CEP63: variants seen among roughly 807,000 people sequenced by gnomAD.
The protein encoded by CEP63 is centrosomal protein of 63 kDa.
A neutral mutation model predicts 89.1 loss-of-function variants in CEP63; 84 were observed. That is an observed-to-expected ratio of 0.94 (90% CI 0.79 to 1.13). CEP63 has a LOEUF of 1.13. Ranked by LOEUF, CEP63 falls within the 50% of genes most tolerant of loss-of-function variation. The pLI, the probability that CEP63 is intolerant of heterozygous loss-of-function variation, is 0.00. For missense variants in CEP63, 838 were observed against 813.3 expected, an observed-to-expected ratio of 1.03 and a Z score of -0.37; for synonymous variants, 267 against 272.5, an observed-to-expected ratio of 0.98 and a Z score of 0.20.
chr3:134,599,796 C>T, the CEP63 span, among the ~76,000 whole-genome samples: 6 of 152,306 alleles, frequency 3.9e-5, no homozygotes, highest in South Asian at 2.1e-4. Context: ...ATCTCACCGT[C>T]GCATTCAACT....
intron 6 of CEP63, among the ~76,000 whole-genome samples, chr3:134,538,818 G>A (rs1951407227): frequency 6.6e-6 from 1 of 151,694 alleles, no homozygotes; most frequent in Non-Finnish European, 1.5e-5. Flanking sequence ...GAGTATTATT[G>A]ATTATAGATT....
chr3:134,570,251 C>T (rs1186745702), intron 11 of CEP63, among the ~76,000 whole-genome samples: 1 of 135,168 alleles, frequency 7.4e-6, no homozygotes, highest in African/African-American at 2.8e-5. Flanking sequence ...TGAATTTCTC[C>T]TCAGAAAGTG....
At chr3:134,615,939 C>G in the CEP63 span, among the ~76,000 whole-genome samples, 1 of 152,210 alleles carries the variant, frequency 6.6e-6, no homozygotes, top group Non-Finnish European at 1.5e-5. Context: ...TGGTGACAAC[C>G]AACTCCCTCA....
At chr3:134,610,077 G>A in the CEP63 span, 1 of 1,092,160 alleles carries the variant, frequency 9.2e-7, no homozygotes, top group South Asian at 1.5e-5. Context: ...GTGGGCATGG[G>A]GCCTCCTGGC....
intron 3 of CEP63, among the ~76,000 whole-genome samples, chr3:134,508,804 A>G (rs1944134020): frequency 6.6e-6 from 1 of 152,206 alleles, no homozygotes; most frequent in Admixed American, 6.5e-5. Flanking sequence ...GGGACATACA[A>G]GAAATTTAGA....
At chr3:134,502,331 G>C (rs1236742583) in intron 2 of CEP63, among the ~76,000 whole-genome samples, 1 of 151,940 alleles carries the variant, frequency 6.6e-6, no homozygotes, top group Non-Finnish European at 1.5e-5. Context: ...GGGTGATGTT[G>C]GTTTCATAGA....
At chr3:134,716,616 T>C in the CEP63 span, among the ~76,000 whole-genome samples, 1 of 152,060 alleles carries the variant, frequency 6.6e-6, no homozygotes, top group Non-Finnish European at 1.5e-5. Context: ...AACCTCCCCT[T>C]CTTATTAGCC....
intron 12 of CEP63, among the ~76,000 whole-genome samples, chr3:134,553,871 A>G (rs1008881346): frequency 3.9e-5 from 6 of 152,190 alleles, no homozygotes; most frequent in Non-Finnish European, 8.8e-5. Flanking sequence ...TCTAGGAGCA[A>G]GTGTGCATAA....
intron 1 of CEP63, among the ~76,000 whole-genome samples, chr3:134,488,244 CTGA>C (rs949289053): frequency 7.2e-5 from 11 of 152,198 alleles, no homozygotes; most frequent in Admixed American, 6.5e-4. Context: ...TGACTAATGC[CTGA>C]TGATCTGAGG....
the CEP63 span, among the ~76,000 whole-genome samples, chr3:134,765,410 A>C: frequency 2.0e-5 from 3 of 152,182 alleles, no homozygotes; most frequent in African/African-American, 7.2e-5. Context: ...ACCAAGAGGC[A>C]CCCCAGGGGA....
In CEP63 at chr3:134,526,695, G is replaced by C. The variant is rs1948718577; in HGVS notation, c.223-5150G>C. Among the ~76,000 whole-genome samples, 2 of 152,114 alleles carry C rather than the reference G, an allele frequency of 1.3e-5. 1 individual carries two copies. The highest frequency in any genetic ancestry group is 4.1e-4 in the South Asian group (2 of 4,830). The stretch of plus-strand genomic sequence containing the variant: ...GATACTCTGGCTTTTTGAGTTCTTG[G>C]AGTTCTTGCACTATTTCTTTCTCAT... On this transcript the variant is annotated intron_variant, in intron 3 of 14. Coordinates refer to ENST00000675561, the MANE Select transcript of CEP63 (RefSeq NM_001353108.3).
At chr3:134,589,310 T>C (rs933814236), downstream of CEP63, among the ~76,000 whole-genome samples, 5 of 152,226 alleles carry the variant, frequency 3.3e-5, no homozygotes, top group East Asian at 9.6e-4. Flanking sequence ...ATTATGACCA[T>C]ATCAAATGAT....
chr3:134,662,747 T>C, the CEP63 span, among the ~76,000 whole-genome samples: 1 of 152,168 alleles, frequency 6.6e-6, no homozygotes, highest in South Asian at 2.1e-4. Flanking sequence ...ACAGATAGCG[T>C]CTGGGCTGTG....
chr3:134,721,341 T>C, the CEP63 span, among the ~76,000 whole-genome samples: 1 of 152,166 alleles, frequency 6.6e-6, no homozygotes, highest in South Asian at 2.1e-4. Flanking sequence ...GCCACATTGC[T>C]GAACTCGTTT....
chr3:134,582,356 T>C (rs1958379835), intron 10 of CEP63, among the ~76,000 whole-genome samples: 2 of 151,090 alleles, frequency 1.3e-5, no homozygotes, highest in African/African-American at 4.9e-5. Context: ...CAGGCCCCAG[T>C]GTGTGATGTT....
the CEP63 span, among the ~76,000 whole-genome samples, chr3:134,773,850 C>T: frequency 6.6e-6 from 1 of 152,170 alleles, no homozygotes; most frequent in African/African-American, 2.4e-5. Flanking sequence ...CATAGCCTTA[C>T]TGGAATCATC....
chr3:134,731,560 G>A, the CEP63 span, among the ~76,000 whole-genome samples: 5 of 152,108 alleles, frequency 3.3e-5, no homozygotes, highest in Non-Finnish European at 5.9e-5. Context: ...TTAGAGTAAG[G>A]GAGTACTTCC....
the CEP63 span, among the ~76,000 whole-genome samples, chr3:134,757,310 T>C: frequency 6.6e-6 from 1 of 152,144 alleles, no homozygotes; most frequent in South Asian, 2.1e-4. Context: ...GGATAGTGGG[T>C]AGGCAACCAG....
the CEP63 span, among the ~76,000 whole-genome samples, chr3:134,758,187 T>C: frequency 6.6e-6 from 1 of 152,200 alleles, no homozygotes; most frequent in Non-Finnish European, 1.5e-5. Flanking sequence ...TCCAGGACTG[T>C]AACAACTCTG....
Sources: gnomAD v4.1 joint callset for allele counts (sites outside exome capture counted in the v4.1 genomes callset) on GRCh38, gnomAD v4.1.1 for gene constraint, MANE v1.5 for transcripts, NCBI Gene and HGNC (gene_info 2026-07-23, HGNC 2026-07-21) for gene names.